The following SYT14 variants were observed in gnomAD, a reference collection of about 807,000 sequenced individuals.
The protein encoded by SYT14 is synaptotagmin-14.
Under a neutral mutation model 74.2 loss-of-function variants are expected in SYT14, and 32 were observed. That is an observed-to-expected ratio of 0.43 (90% CI 0.33 to 0.58). The LOEUF (loss-of-function observed/expected upper bound fraction) is 0.58. Ranked by LOEUF, SYT14 falls within the 20% of genes least tolerant of loss-of-function variation. SYT14 has a pLI of 0.05. For missense variants in SYT14, 791 were observed against 981.8 expected, an observed-to-expected ratio of 0.81 and a Z score of 2.60; for synonymous variants, 298 against 337.7, an observed-to-expected ratio of 0.88 and a Z score of 1.29.
At chr1:210,131,685 T>C (rs1313453112) in intron 7 of SYT14, among the ~76,000 whole-genome samples, 1 of 152,172 alleles carries the variant, frequency 6.6e-6, no homozygotes, top group African/African-American at 2.4e-5. Context: ...TCTCCCTTTT[T>C]ATATGTGTAG....
At chr1:210,145,665 T>C (rs563963273) in intron 7 of SYT14, among the ~76,000 whole-genome samples, 2 of 152,260 alleles carry the variant, frequency 1.3e-5, no homozygotes, top group African/African-American at 4.8e-5. Flanking sequence ...CAATCTTCCT[T>C]TCCATCTGCA....
At chr1:210,103,319 G>C (rs1371762362) in intron 7 of SYT14, among the ~76,000 whole-genome samples, 1 of 151,956 alleles carries the variant, frequency 6.6e-6, no homozygotes, top group African/African-American at 2.4e-5. Context: ...GGGAGGCCGA[G>C]GTGGGCAGAT....
At chr1:210,115,019 A>G (rs1168917221) in intron 7 of SYT14, among the ~76,000 whole-genome samples, 1 of 151,196 alleles carries the variant, frequency 6.6e-6, no homozygotes, top group Non-Finnish European at 1.5e-5. Context: ...AACAGAGACT[A>G]GGGAGGGACT....
intron 7 of SYT14, among the ~76,000 whole-genome samples, chr1:210,109,716 C>T (rs569263902): frequency 6.6e-6 from 1 of 152,126 alleles, no homozygotes. Flanking sequence ...GTGATGATTC[C>T]TCAAGGATCT....
At chr1:210,013,096 T>C (rs2080116579) in intron 2 of SYT14, among the ~76,000 whole-genome samples, 1 of 151,794 alleles carries the variant, frequency 6.6e-6, no homozygotes, top group African/African-American at 2.4e-5. Context: ...TCTTTTTTTT[T>C]TTTTTAGACA....
chr1:209,943,055 C>CT (rs1249861276), intron 1 of SYT14, among the ~76,000 whole-genome samples: 1 of 151,998 alleles, frequency 6.6e-6, no homozygotes, highest in Non-Finnish European at 1.5e-5. Flanking sequence ...TCTAAGATTT[C>CT]TAAGGCAAAA....
chr1:210,119,617 T>C (rs2082420197), intron 7 of SYT14, among the ~76,000 whole-genome samples: 1 of 152,216 alleles, frequency 6.6e-6, no homozygotes, highest in Non-Finnish European at 1.5e-5. Context: ...CATAAAGTTA[T>C]TGTTCATGAT....
At chr1:210,020,992 G>A (rs2080289373) in intron 4 of SYT14, 47 bp from the exon 4 acceptor site, 3 of 1,562,114 alleles carry the variant, frequency 1.9e-6, no homozygotes, top group South Asian at 2.2e-5. Flanking sequence ...TGAGGGGAGG[G>A]AATTTTTTTT....
At chr1:210,109,277 T>G (rs1280887761) in intron 7 of SYT14, among the ~76,000 whole-genome samples, 1 of 151,798 alleles carries the variant, frequency 6.6e-6, no homozygotes, top group Non-Finnish European at 1.5e-5. Context: ...AGAATGGCGA[T>G]CATTAAAAAG....
intron 2 of SYT14, among the ~76,000 whole-genome samples, chr1:209,985,749 C>T (rs1450274776): frequency 6.6e-6 from 1 of 152,230 alleles, no homozygotes; most frequent in East Asian, 1.9e-4. Context: ...TCTTTGAAAT[C>T]TAGGCAGAGG....
At chr1:210,020,901 GTGTT>G (rs1274348408) in intron 4 of SYT14, 134 bp from the exon 4 acceptor site, 1 of 683,766 alleles carries the variant, frequency 1.5e-6, no homozygotes, top group African/African-American at 1.8e-5. Context: ...GTATATGTGT[GTGTT>G]TATATATATA....
At chr1:209,962,982 A>C (rs1396187213) in intron 2 of SYT14, among the ~76,000 whole-genome samples, 1 of 152,200 alleles carries the variant, frequency 6.6e-6, no homozygotes, top group Non-Finnish European at 1.5e-5. Context: ...CTGTGGACCA[A>C]CTTCAGAAAT....
intron 5 of SYT14, among the ~76,000 whole-genome samples, chr1:210,067,089 C>T (rs2081310201): frequency 6.6e-6 from 1 of 151,980 alleles, no homozygotes; most frequent in African/African-American, 2.4e-5. Context: ...GGCCTTGGCA[C>T]CCTTATCAGT....
intron 2 of SYT14, among the ~76,000 whole-genome samples, chr1:210,002,456 C>T (rs1352536492): frequency 6.6e-6 from 1 of 152,018 alleles, no homozygotes; most frequent in Non-Finnish European, 1.5e-5. Flanking sequence ...TTCCAAGATT[C>T]AGTTTTTTGC....
chr1:210,159,232 C>A lies in SYT14; in HGVS notation c.2225-189C>A, dbSNP rs12408541. On this transcript the variant is annotated intron_variant, in intron 8 of 9. Transcript: ENST00000637265. ...AGATTACACAATAACCTTAAAAATT[C>A]TCATCCCATTAAATTTACCCAACAT... Among the ~76,000 whole-genome samples, 4,560 of 152,158 alleles carry A rather than the reference C, an allele frequency of 0.03. 89 individuals carry two copies. The highest frequency in any genetic ancestry group is 0.048 in the Middle Eastern group (14 of 292).
intron 2 of SYT14, among the ~76,000 whole-genome samples, chr1:209,999,271 G>A (rs1488298974): frequency 1.3e-5 from 2 of 152,104 alleles, no homozygotes; most frequent in African/African-American, 4.8e-5. Context: ...TGTCAAGGAT[G>A]CAGAAAAGTG....
At chr1:209,938,549 A>G (rs567270492) in intron 1 of SYT14, among the ~76,000 whole-genome samples, 1 of 151,918 alleles carries the variant, frequency 6.6e-6, no homozygotes, top group East Asian at 2.0e-4. Flanking sequence ...GCTGGCGGGC[A>G]GGTACAGCGT....
At chr1:210,004,109 A>G (rs1417470053) in intron 2 of SYT14, among the ~76,000 whole-genome samples, 1 of 152,028 alleles carries the variant, frequency 6.6e-6, no homozygotes, top group Non-Finnish European at 1.5e-5. Flanking sequence ...CTCGTATTAT[A>G]TTATTTTAAT....
rs888438136 is a variant in SYT14, at chr1:210,088,840, A to G, written c.1313-5482A>G. 9.2e-5 allele frequency among the ~76,000 whole-genome samples: 14 copies of G among 151,868 alleles called. 1 individual carries two copies. Among genetic ancestry groups the G allele is most frequent in the Non-Finnish European group, 1.5e-4 (10 of 67,926 alleles). ...AAGCACAGATTAGCCACATTCTACA[A>G]GTAGTTGTGTAGATCATTTTCATTA... is the stretch of plus-strand genomic sequence containing the variant. On this transcript the variant is annotated intron_variant, in intron 5 of 9. Transcript: ENST00000637265.
Sources: gnomAD v4.1 joint callset for allele counts (sites outside exome capture counted in the v4.1 genomes callset) on GRCh38, gnomAD v4.1.1 for gene constraint, MANE v1.5 for transcripts, NCBI Gene and HGNC (gene_info 2026-07-23, HGNC 2026-07-21) for gene names.